HERC6: variants seen among roughly 807,000 people sequenced by gnomAD.
HERC6 encodes HECT and RLD domain containing E3 ubiquitin protein ligase family member 6.
HERC6 carries 101 observed loss-of-function variants against 114.5 expected under a neutral mutation model. The ratio of observed to expected loss-of-function variants is 0.88; its 90% CI spans 0.75 to 1.04. HERC6 has a LOEUF of 1.04. Ranked by LOEUF, HERC6 falls within the 50% of genes least tolerant of loss-of-function variation. The pLI, the probability that HERC6 is intolerant of heterozygous loss-of-function variation, is 0.00. For missense variants in HERC6, 1,133 were observed against 1,230.9 expected (o/e 0.92, Z 1.19); for synonymous variants, 408 against 436.2 (o/e 0.94, Z 0.81).
At chr4:88,382,531 T>C (rs1578365360) in intron 1 of HERC6, among the ~76,000 whole-genome samples, 1 of 152,174 alleles carries the variant, frequency 6.6e-6, no homozygotes, top group East Asian at 1.9e-4. Context: ...TGCTAGGTTT[T>C]GCTAGAGAAA....
rs1427122432 is a variant in HERC6 at position 88,383,378 on chromosome 4, TA to T, written c.359del (p.Lys120ArgfsTer3). 3 of 1,487,720 alleles carry T rather than the reference TA, an allele frequency of 2.0e-6. No individual in the cohort carries two copies. Among genetic ancestry groups the T allele is most frequent in the Non-Finnish European group, 2.7e-6 (3 of 1,120,294 alleles). 92.2% of individuals were successfully genotyped at this position (1,487,720 alleles called of 1,614,324 possible). A position where few individuals can be genotyped will look rare whatever the true frequency, so the allele number is the denominator to read the frequency against. On this transcript the variant is annotated frameshift_variant and splice_region_variant, in exon 2 of 23. Transcript: ENST00000264346. LOFTEE classifies it high-confidence loss of function. Reference sequence around the variant, plus strand: ...AATTCAAGGAAATAAGTTTCACACCTAAGTAAGTGTTTCAACCCACTCCTTC... The same window carrying T: ...AATTCAAGGAAATAAGTTTCACACCTAGTAAGTGTTTCAACCCACTCCTTC... Reference protein sequence around the residue: ...GEFKEISFTPKKIMTLNDIKI... With the variant: ...GEFKEISFTPXKIMTLNDIKI...
In HERC6 at chr4:88,438,415, A is replaced by G. The variant is rs563892301; in HGVS notation, c.2555+634A>G. 3.3e-5 allele frequency among the ~76,000 whole-genome samples: 5 copies of G among 152,220 alleles called. No individual in the cohort carries two copies. The East Asian group carries it at 7.7e-4, about 24-fold the overall frequency. Reference sequence around the variant, plus strand: ...AAAGACAATACACAAATGAATCATTATTATTTTTAATAGAGATGGAGTCTT... The same window carrying G: ...AAAGACAATACACAAATGAATCATTGTTATTTTTAATAGAGATGGAGTCTT... On this transcript the variant is annotated intron_variant, in intron 20 of 22. Transcript: ENST00000264346.
chr4:88,412,756 C>T (rs1736189268), intron 11 of HERC6, among the ~76,000 whole-genome samples: 1 of 152,148 alleles, frequency 6.6e-6, no homozygotes, highest in Admixed American at 6.5e-5. Context: ...ACTAATGTGA[C>T]CTGCATACAA....
At position 88,413,106 on chromosome 4, in the gene HERC6, C is replaced by CAG. The variant is rs775862881; in HGVS notation, c.1401_1402dup (p.Ala468GlufsTer24). On this transcript the variant is annotated frameshift_variant, in exon 12 of 23. Transcript: ENST00000264346. LOFTEE classifies it high-confidence loss of function. ...CTACGTGTCTCGAGGATGATCTGCT[C>CAG]AGAGCTCTTCCATGCCATTCTCCAC... 1 of 1,612,838 alleles carries CAG rather than the reference C, an allele frequency of 6.2e-7. No homozygotes were observed.
chr4:88,417,941 A>G (rs1375999765), intron 13 of HERC6, among the ~76,000 whole-genome samples: 2 of 125,104 alleles, frequency 1.6e-5, no homozygotes, highest in East Asian at 6.4e-4. Context: ...GCAAAACCAC[A>G]TTTCTTAAAA....
chr4:88,396,754 G>A, intron 6 of HERC6, 97 bp from the exon 7 acceptor site: 1 of 1,170,056 alleles, frequency 8.5e-7, no homozygotes, highest in South Asian at 2.5e-5. Flanking sequence ...AAGTAAATTG[G>A]GCTTTTTGTG....
chr4:88,395,207 A>G (rs1735166486), intron 5 of HERC6, among the ~76,000 whole-genome samples: 1 of 152,212 alleles, frequency 6.6e-6, no homozygotes, highest in Admixed American at 6.5e-5. Context: ...TATTCTCAAT[A>G]TAAAGAATAA....
intron 4 of HERC6, among the ~76,000 whole-genome samples, chr4:88,391,620 T>C (rs1370096824): frequency 2.6e-4 from 40 of 152,236 alleles, no homozygotes; most frequent in Non-Finnish European, 1.5e-4. Flanking sequence ...GCATCCATCG[T>C]CATTAGAGAC....
rs538608449 is a variant in HERC6 at position 88,424,350 on chromosome 4, C to T, written c.1828-245C>T. 2.6e-5 allele frequency among the ~76,000 whole-genome samples: 4 copies of T among 152,156 alleles called. No homozygotes were observed. The South Asian group carries it at 6.2e-4, about 24-fold the overall frequency. On this transcript the variant is annotated intron_variant, in intron 14 of 22. Transcript: ENST00000264346. ...GAAAAAATACAAATACGTGGTAGCA[C>T]GTATCTGTACTCCCAGCTACTCAAG... is the stretch of plus-strand genomic sequence containing the variant.
At chr4:88,410,063 A>G (rs1736010486) in intron 11 of HERC6, among the ~76,000 whole-genome samples, 1 of 152,212 alleles carries the variant, frequency 6.6e-6, no homozygotes, top group Non-Finnish European at 1.5e-5. Context: ...GTGAACCCCA[A>G]ATATCTAAGA....
intron 13 of HERC6, among the ~76,000 whole-genome samples, chr4:88,421,560 G>C (rs974545289): frequency 4.0e-5 from 6 of 150,994 alleles, no homozygotes; most frequent in South Asian, 2.1e-4. Context: ...CGATTCTCCT[G>C]CCTTAGCTTC....
Position 88,431,280 on chromosome 4 carries a change from G to A in HERC6, c.2225G>A (p.Gly742Asp). ...EYGMFMYPEM[G>D]SCMWFPAKPK... ...GGAATGTTCATGTATCCTGAAATGG[G>A]TTCCTGCATGTGGTTTCCTGCCAAG... Residue 742 changes from glycine to aspartate, a missense_variant, in exon 17 of 23, where the codon GGT becomes GAT. Physicochemically the swap from Gly to Asp is moderately conservative, Grantham distance 94. This residue lies in a region of HERC6 where 388 missense variants were observed against 445.9 expected (regional missense o/e 0.87). Coordinates refer to ENST00000264346, the MANE Select transcript of HERC6 (RefSeq NM_017912.4). The A allele has an allele frequency of 6.2e-7, 1 of 1,601,472 alleles. No homozygotes were observed. The highest frequency in any genetic ancestry group is 1.1e-5 in the South Asian group (1 of 87,530).
Position 88,413,050 on chromosome 4 carries a change from T to C in HERC6, c.1369-27T>C, listed in dbSNP as rs748390481. ...CTCTGTATCTAATATATCCTGGGTC[T>C]GTTCCCTGATCCTATTTTTACCACA... On this transcript the variant is annotated intron_variant, in intron 11 of 22. Coordinates refer to ENST00000264346, the MANE Select transcript of HERC6 (RefSeq NM_017912.4). 3.2e-6 allele frequency: 5 copies of C among 1,552,058 alleles called. No individual in the cohort carries two copies. In the African/African-American group the frequency reaches 4.1e-5, roughly 13 times the overall value.
At chr4:88,439,627 T>TA (rs1739127264) in intron 20 of HERC6, among the ~76,000 whole-genome samples, 1 of 152,072 alleles carries the variant, frequency 6.6e-6, no homozygotes, top group Non-Finnish European at 1.5e-5. Flanking sequence ...ATTCATGTTT[T>TA]AAAAAAATCC....
chr4:88,442,125 C>A (rs1739407891), intron 22 of HERC6, 109 bp from the exon 23 acceptor site: 3 of 798,598 alleles, frequency 3.8e-6, no homozygotes, highest in Non-Finnish European at 6.2e-6. Flanking sequence ...GTTCTCTCTG[C>A]CTAAGGACAT....
rs569456265 is a variant in HERC6 at position 88,414,299 on chromosome 4, C to T, written c.1558+1033C>T. 2.6e-4 allele frequency among the ~76,000 whole-genome samples: 36 copies of T among 137,838 alleles called. No homozygotes were observed. The South Asian group carries it at 8.1e-3, about 31-fold the overall frequency. 90.4% of individuals were successfully genotyped at this position (137,838 alleles called of 152,430 possible). A position where few individuals can be genotyped will look rare whatever the true frequency, so the allele number is the denominator to read the frequency against. The stretch of plus-strand genomic sequence containing the variant: ...CAGCCTGGGCAACATAGTGAGACCC[C>T]GACTCTACCAATTTTTTTTTTTTTA... On this transcript the variant is annotated intron_variant, in intron 12 of 22. Transcript: ENST00000264346.
intron 22 of HERC6, among the ~76,000 whole-genome samples, chr4:88,441,114 C>G (rs1739304965): frequency 6.6e-6 from 1 of 152,056 alleles, no homozygotes; most frequent in South Asian, 2.1e-4. Context: ...TCTGCACCCT[C>G]TTTCCTCACT....
Position 88,393,560 on chromosome 4 carries a change from C to T in HERC6, c.737C>T (p.Ala246Val). Residue 246 changes from alanine to valine, a missense_variant, in exon 5 of 23, where the codon GCA becomes GTA. Physicochemically the swap from Ala to Val is moderately conservative, Grantham distance 64. This residue lies in a region of HERC6 where 735 missense variants were observed against 754.0 expected (regional missense o/e 0.97). Transcript: ENST00000264346. Reference sequence around the variant, plus strand: ...GTGGTTTATATCAGCTGTGGTGATGCACACACTGCGGTGCTTACCCAGGTA... The same window carrying T: ...GTGGTTTATATCAGCTGTGGTGATGTACACACTGCGGTGCTTACCCAGGTA... ...LGVVYISCGD[A>V]HTAVLTQDGK... The T allele has an allele frequency of 6.2e-7, 1 of 1,610,408 alleles. No homozygotes were observed. Among genetic ancestry groups the T allele is most frequent in the African/African-American group, 1.3e-5 (1 of 74,998 alleles).
intron 8 of HERC6, 80 bp from the exon 9 acceptor site, chr4:88,404,796 C>T: frequency 6.5e-7 from 1 of 1,542,624 alleles, no homozygotes. Context: ...ATTTACCACC[C>T]ATGCCAGGTG....
Sources: allele counts gnomAD v4.1 joint callset (sites outside exome capture counted in the v4.1 genomes callset), GRCh38; gene constraint gnomAD v4.1.1; regional missense constraint gnomAD v4.1.1; transcripts MANE v1.5; gene names NCBI Gene and HGNC (gene_info 2026-07-23, HGNC 2026-07-21).